SCN11A: variants seen among roughly 807,000 people sequenced by gnomAD.
SCN11A encodes sodium voltage-gated channel alpha subunit 11, also known as sodium channel protein type 11 subunit alpha.
SCN11A carries 122 observed loss-of-function variants against 162.2 expected under a neutral mutation model. The observed-to-expected ratio is 0.75, with a 90% CI of 0.65 to 0.87. The LOEUF (loss-of-function observed/expected upper bound fraction) is 0.87. Ranked by LOEUF, SCN11A falls within the 40% of genes least tolerant of loss-of-function variation. The pLI is 0.00. For missense variants in SCN11A, 2,015 were observed against 2,181.6 expected (o/e 0.92, Z 1.52); for synonymous variants, 758 against 751.5 (o/e 1.01, Z -0.14).
intron 7 of SCN11A, among the ~76,000 whole-genome samples, chr3:38,938,723 C>T (rs1056436692): frequency 1.1e-4 from 16 of 150,470 alleles, no homozygotes; most frequent in Non-Finnish European, 2.2e-4. Flanking sequence ...TGCCACCATG[C>T]CCGGCTAATT....
intron 28 of SCN11A, among the ~76,000 whole-genome samples, chr3:38,853,299 TTC>T (rs76727760): frequency 0.039 from 5,929 of 152,280 alleles, 221 homozygotes; most frequent in East Asian, 0.16. Flanking sequence ...TAAACAAAAA[TTC>T]TCTCTTTTCT....
At chr3:38,960,744 C>G (rs187884667) in intron 2 of SCN11A, among the ~76,000 whole-genome samples, 1 of 152,208 alleles carries the variant, frequency 6.6e-6, no homozygotes, top group South Asian at 2.1e-4. Flanking sequence ...TCTCACCCCC[C>G]ACAGGACCCA....
chr3:38,917,385 T>C (rs942461966), intron 11 of SCN11A, among the ~76,000 whole-genome samples: 8 of 152,194 alleles, frequency 5.3e-5, no homozygotes, highest in Non-Finnish European at 8.8e-5. Flanking sequence ...TGTCACACTA[T>C]TCACAAGAGC....
At chr3:38,906,255 T>C (rs1432643866) in intron 14 of SCN11A, among the ~76,000 whole-genome samples, 1 of 152,202 alleles carries the variant, frequency 6.6e-6, no homozygotes, top group African/African-American at 2.4e-5. Flanking sequence ...CTTTAGCATC[T>C]TCCTCTCTTC....
At chr3:38,866,658 T>A (rs1028347005) in intron 27 of SCN11A, among the ~76,000 whole-genome samples, 1 of 152,244 alleles carries the variant, frequency 6.6e-6, no homozygotes, top group South Asian at 2.1e-4. Flanking sequence ...ATGGATTATA[T>A]CAAAATCATA....
chr3:38,868,259 A>G (rs1262047728), intron 26 of SCN11A, among the ~76,000 whole-genome samples: 2 of 152,234 alleles, frequency 1.3e-5, no homozygotes, highest in Non-Finnish European at 2.9e-5. Context: ...TTGTTATTCA[A>G]CACTCACAAT....
chr3:38,941,862 AC>A (rs1300935689), intron 7 of SCN11A, among the ~76,000 whole-genome samples: 1 of 152,106 alleles, frequency 6.6e-6, no homozygotes, highest in Non-Finnish European at 1.5e-5. Flanking sequence ...CAATTATATA[AC>A]TATATTAAAT....
At chr3:38,861,830 C>T (rs2064968757) in intron 28 of SCN11A, among the ~76,000 whole-genome samples, 1 of 152,006 alleles carries the variant, frequency 6.6e-6, no homozygotes, top group South Asian at 2.1e-4. Flanking sequence ...TTGGCTTAGG[C>T]AAAGAATTCA....
intron 2 of SCN11A, among the ~76,000 whole-genome samples, chr3:38,981,537 TTGTGTGTGTG>T (rs10578149): frequency 2.1e-3 from 311 of 145,974 alleles, no homozygotes; most frequent in Middle Eastern, 0.01. Flanking sequence ...GTGTGTGTGT[TTGTGTGTGTG>T]TGTGTGTGTG....
At chr3:39,030,944 TGTC>T (rs2031733259) in intron 2 of SCN11A, among the ~76,000 whole-genome samples, 1 of 152,222 alleles carries the variant, frequency 6.6e-6, no homozygotes, top group Non-Finnish European at 1.5e-5. Flanking sequence ...AAGTCTGACT[TGTC>T]ATATTCGCCA....
chr3:38,860,648 C>A (rs1381419460), intron 28 of SCN11A, among the ~76,000 whole-genome samples: 1 of 152,120 alleles, frequency 6.6e-6, no homozygotes, highest in Non-Finnish European at 1.5e-5. Context: ...ATCATATGAT[C>A]ATCTCAACAG....
intron 7 of SCN11A, among the ~76,000 whole-genome samples, chr3:38,930,766 A>G (rs1168227721): frequency 6.6e-6 from 1 of 152,184 alleles, no homozygotes; most frequent in East Asian, 1.9e-4. Context: ...GCCTCCTTGT[A>G]TGAAGACATT....
At chr3:39,038,875 CTCA>C (rs2031971963) in intron 1 of SCN11A, among the ~76,000 whole-genome samples, 1 of 152,162 alleles carries the variant, frequency 6.6e-6, no homozygotes, top group Non-Finnish European at 1.5e-5. Flanking sequence ...GATGACAACT[CTCA>C]TTTCTTCCCC....
chr3:38,897,186 T>G lies in SCN11A; in HGVS notation c.2062A>C (p.Asn688His). 13 of 1,612,964 alleles carry G rather than the reference T, an allele frequency of 8.1e-6. No homozygotes were observed. The highest frequency in any genetic ancestry group is 1.1e-5 in the Non-Finnish European group (13 of 1,179,466). ...FKLAKSWPTL[N>H]TLIKIIGNSV... is the part of the protein sequence containing the mutation. ...TTGCCGATTATCTTAATTAGTGTGT[T>G]CAAAGTTGGCCAGGATTTGGCTAAC... Residue 688 changes from asparagine (N) to histidine (H), a missense_variant, in exon 18 of 30, where the codon AAC (asparagine) becomes CAC (histidine). Asn to His is a moderately conservative substitution (Grantham distance 68). Coordinates refer to ENST00000302328, the MANE Select transcript of SCN11A (RefSeq NM_001349253.2).
intron 4 of SCN11A, among the ~76,000 whole-genome samples, chr3:38,951,897 T>TG (rs1007540184): frequency 1.3e-5 from 2 of 152,046 alleles, no homozygotes; most frequent in Non-Finnish European, 2.9e-5. Flanking sequence ...AGAATGTGGG[T>TG]GGGGCCAGAT....
intron 2 of SCN11A, among the ~76,000 whole-genome samples, chr3:38,993,682 T>G (rs896747967): frequency 4.6e-5 from 7 of 152,210 alleles, no homozygotes; most frequent in African/African-American, 1.7e-4. Context: ...CAGTCTTTTT[T>G]CATCACTTTT....
At chr3:39,038,817 T>C (rs1049468489) in intron 1 of SCN11A, among the ~76,000 whole-genome samples, 16 of 136,572 alleles carry the variant, frequency 1.2e-4, no homozygotes, top group African/African-American at 4.6e-4. Context: ...TAAAGAAAAG[T>C]GAAAACACAT....
chr3:39,010,528 G>A (rs1007639263), intron 2 of SCN11A, among the ~76,000 whole-genome samples: 17 of 152,010 alleles, frequency 1.1e-4, no homozygotes, highest in East Asian at 5.8e-4. Flanking sequence ...ACAGGCGCCC[G>A]CCACCATGCC....
At chr3:38,875,032 C>T (rs1233084613) in intron 23 of SCN11A, among the ~76,000 whole-genome samples, 1 of 152,056 alleles carries the variant, frequency 6.6e-6, no homozygotes, top group African/African-American at 2.4e-5. Flanking sequence ...ACAACAATAT[C>T]CCAAGCTAAG....
Sources: gnomAD v4.1 joint callset for allele counts (sites outside exome capture counted in the v4.1 genomes callset) on GRCh38, gnomAD v4.1.1 for gene constraint, MANE v1.5 for transcripts, NCBI Gene and HGNC (gene_info 2026-07-23, HGNC 2026-07-21) for gene names.